The following HVCN1 variants were observed in gnomAD, a reference collection of about 807,000 sequenced individuals.
The protein encoded by HVCN1 is voltage-gated hydrogen channel 1.
HVCN1 carries 14 observed loss-of-function variants against 29.2 expected under a neutral mutation model. The ratio of observed to expected loss-of-function variants is 0.48; its 90% CI spans 0.32 to 0.75. The LOEUF is 0.75. HVCN1 is among the 30% of genes least tolerant of loss of function. HVCN1 has a pLI of 0.04. For missense variants in HVCN1, 263 were observed against 341.8 expected (o/e 0.77, Z 1.82); for synonymous variants, 131 against 133.2 (o/e 0.98, Z 0.11).
chr12:110,667,433 C>T (rs1417052649), intron 3 of HVCN1, among the ~76,000 whole-genome samples: 3 of 152,034 alleles, frequency 2.0e-5, no homozygotes, highest in Non-Finnish European at 4.4e-5. Flanking sequence ...CGTGCCTGGC[C>T]ATAATTCCCT....
At chr12:110,675,353 G>A (rs2068715001) in intron 3 of HVCN1, among the ~76,000 whole-genome samples, 3 of 152,170 alleles carry the variant, frequency 2.0e-5, no homozygotes, top group Admixed American at 2.0e-4. Flanking sequence ...CAACTACTTG[G>A]GAGGCTGAGG....
rs1242314030 is a variant in HVCN1 at position 110,688,715 on chromosome 12, A to G, written c.-103-7T>C. Reference sequence around the variant, plus strand: ...TGCGTCTTGGTTTCTTCACCTGTTAAGAGGGAGACGACGATGGTCACCTGT... The same window carrying G: ...TGCGTCTTGGTTTCTTCACCTGTTAGGAGGGAGACGACGATGGTCACCTGT... On this transcript the variant is annotated splice_polypyrimidine_tract_variant and splice_region_variant and intron_variant, in intron 1 of 7. Coordinates refer to ENST00000242607, the MANE Select transcript of HVCN1 (RefSeq NM_032369.4). 1 of 152,422 alleles carries G rather than the reference A, an allele frequency of 6.6e-6. No homozygotes were observed. Among genetic ancestry groups the G allele is most frequent in the Non-Finnish European group, 1.5e-5 (1 of 68,208 alleles). The allele number at this position is 152,422 out of a possible 1,614,324, so 9.4% of individuals were successfully genotyped here. A position where few individuals can be genotyped will look rare whatever the true frequency, so the allele number is the denominator to read the frequency against.
intron 3 of HVCN1, among the ~76,000 whole-genome samples, chr12:110,669,247 G>A (rs959630505): frequency 1.3e-5 from 2 of 151,844 alleles, no homozygotes; most frequent in African/African-American, 2.4e-5. Flanking sequence ...ACACCCCATC[G>A]GTTTCACTTC....
chr12:110,664,730 CAATGTACCAG>C (rs765096545), intron 3 of HVCN1, among the ~76,000 whole-genome samples: 2 of 152,196 alleles, frequency 1.3e-5, no homozygotes, highest in Middle Eastern at 3.4e-3. Context: ...ATCTGCTTGG[CAATGTACCAG>C]AAATAGGAAA....
At chr12:110,679,773 A>C (rs2068883972) in intron 3 of HVCN1, among the ~76,000 whole-genome samples, 1 of 152,086 alleles carries the variant, frequency 6.6e-6, no homozygotes, top group African/African-American at 2.4e-5. Context: ...GAATGGCGTG[A>C]ACCCGGGAAG....
At position 110,697,491 on chromosome 12, in the gene HVCN1, G is replaced by C. The variant is rs145135696; in HGVS notation, c.-104+4818C>G. On this transcript the variant is annotated intron_variant, in intron 2 of 4. Coordinates refer to the HVCN1 transcript ENST00000546713. ...GGTGAACAGCGCAGAGAGGGAGAGAGTGGAAAGGAGATACAAAAGCACTTG... is the reference window on the plus strand; with the variant it reads ...GGTGAACAGCGCAGAGAGGGAGAGACTGGAAAGGAGATACAAAAGCACTTG... 4.1e-3 allele frequency among the ~76,000 whole-genome samples: 628 copies of C among 151,894 alleles called. 8 individuals carry two copies. The highest frequency in any genetic ancestry group is 0.014 in the African/African-American group (571 of 41,412).
At chr12:110,671,528 G>A (rs1163014133) in intron 3 of HVCN1, among the ~76,000 whole-genome samples, 1 of 152,180 alleles carries the variant, frequency 6.6e-6, no homozygotes, top group Non-Finnish European at 1.5e-5. Context: ...TGGAACTGGT[G>A]AGAATGAGTT....
At chr12:110,684,761 A>G (rs2069118268) in intron 2 of HVCN1, among the ~76,000 whole-genome samples, 1 of 152,180 alleles carries the variant, frequency 6.6e-6, no homozygotes, top group African/African-American at 2.4e-5. Context: ...TGATCTATGC[A>G]TGTAGTAAAA....
At chr12:110,692,395 C>G (rs1217842598), upstream of HVCN1, among the ~76,000 whole-genome samples, 1 of 152,112 alleles carries the variant, frequency 6.6e-6, no homozygotes. Context: ...AGTGAGCTCC[C>G]ATTTTAGTTG....
At chr12:110,664,397 C>A (rs1325941687) in intron 3 of HVCN1, among the ~76,000 whole-genome samples, 3 of 152,074 alleles carry the variant, frequency 2.0e-5, no homozygotes, top group Non-Finnish European at 4.4e-5. Context: ...CAATGTCACA[C>A]CACTTAAGTA....
At chr12:110,682,964 CA>C (rs374770633) in intron 3 of HVCN1, 12,572 of 302,018 alleles carry the variant, frequency 0.042, 7 homozygotes, top group South Asian at 0.064. Context: ...AACTCCATCT[CA>C]AAAAAAAAAA....
chr12:110,682,645 A>AG (rs1269438738), intron 3 of HVCN1: 2 of 157,378 alleles, frequency 1.3e-5, no homozygotes, highest in East Asian at 3.8e-4. Flanking sequence ...CTGCAAGGGC[A>AG]GGGGTGGTAA....
At chr12:110,685,786 C>A (rs2069158201) in intron 2 of HVCN1, among the ~76,000 whole-genome samples, 1 of 151,956 alleles carries the variant, frequency 6.6e-6, no homozygotes, top group South Asian at 2.1e-4. Context: ...AGATCCTGGA[C>A]TCAAGCGATC....
At chr12:110,664,734 G>T (rs1188406301) in intron 3 of HVCN1, among the ~76,000 whole-genome samples, 3 of 152,160 alleles carry the variant, frequency 2.0e-5, no homozygotes, top group Non-Finnish European at 4.4e-5. Context: ...GCTTGGCAAT[G>T]TACCAGAAAT....
chr12:110,671,792 C>T (rs556195389), intron 3 of HVCN1, among the ~76,000 whole-genome samples: 8 of 152,316 alleles, frequency 5.3e-5, no homozygotes, highest in Non-Finnish European at 7.3e-5. Context: ...CAGAGCCCAC[C>T]GGTCACATCA....
At chr12:110,685,383 G>A (rs1307963308) in intron 2 of HVCN1, among the ~76,000 whole-genome samples, 1 of 152,204 alleles carries the variant, frequency 6.6e-6, no homozygotes, top group Middle Eastern at 3.4e-3. Context: ...ACCTTGACTC[G>A]AGCCCACTGA....
chr12:110,672,735 T>A (rs1266856534), intron 3 of HVCN1, among the ~76,000 whole-genome samples: 2 of 152,168 alleles, frequency 1.3e-5, no homozygotes, highest in Non-Finnish European at 2.9e-5. Flanking sequence ...GGCCAATCTT[T>A]CCCATGTGAT....
In HVCN1 at chr12:110,676,705, C is replaced by T. The variant is rs546483124; in HGVS notation, c.21+6520G>A. ...ATAAGTGTGACCCCAAGGACCTCTGCCCCCAACCCAGGAGAGGGCTCTGGA... is the reference window on the plus strand; with the variant it reads ...ATAAGTGTGACCCCAAGGACCTCTGTCCCCAACCCAGGAGAGGGCTCTGGA... On this transcript the variant is annotated intron_variant, in intron 3 of 7. Coordinates refer to ENST00000242607, the MANE Select transcript of HVCN1 (RefSeq NM_032369.4). The surrounding 1 kb of genome is among the most constrained non-coding windows in gnomAD (Gnocchi z 4.1). Among the ~76,000 whole-genome samples, 1 of 152,130 alleles carries T rather than the reference C, an allele frequency of 6.6e-6. No homozygotes were observed. The highest frequency in any genetic ancestry group is 1.9e-4 in the East Asian group (1 of 5,176).
intron 2 of HVCN1, among the ~76,000 whole-genome samples, chr12:110,687,707 G>A (rs963474916): frequency 1.3e-5 from 2 of 152,148 alleles, no homozygotes; most frequent in African/African-American, 4.8e-5. Context: ...GTTAGAACTT[G>A]TCGCTAGCCT....
Sources: allele counts gnomAD v4.1 joint callset (sites outside exome capture counted in the v4.1 genomes callset), GRCh38; gene constraint gnomAD v4.1.1; non-coding constraint Gnocchi (gnomAD v3.1); transcripts MANE v1.5; gene names NCBI Gene and HGNC (gene_info 2026-07-23, HGNC 2026-07-21).